HDAC8: variants seen among roughly 807,000 people sequenced by gnomAD.
HDAC8 encodes histone deacetylase 8.
A neutral mutation model predicts 32.2 loss-of-function variants in HDAC8; 1 was observed. The observed-to-expected ratio is 0.03, with a 90% CI of 0.01 to 0.15. HDAC8 has a LOEUF of 0.15. HDAC8 is among the 10% of genes least tolerant of loss of function. The pLI, the probability that HDAC8 is intolerant of heterozygous loss-of-function variation, is 1.00. For missense variants in HDAC8, 117 were observed against 300.0 expected (o/e 0.39, Z 4.51); for synonymous variants, 108 against 113.9 (o/e 0.95, Z 0.33).
At chrX:72,481,617 T>C (rs1235506376) in intron 7 of HDAC8, among the ~76,000 whole-genome samples, 2 of 109,597 alleles carry the variant, frequency 1.8e-5, no homozygotes, top group Non-Finnish European at 3.8e-5. Context: ...TTTTTTTTTG[T>C]TGTTGAGACA....
chrX:72,426,482 T>C (rs2046642502), intron 9 of HDAC8, among the ~76,000 whole-genome samples: 1 of 112,198 alleles, frequency 8.9e-6, no homozygotes, highest in African/African-American at 3.2e-5. Flanking sequence ...TGTGTAAAAT[T>C]CTTCCAATGA....
intron 9 of HDAC8, among the ~76,000 whole-genome samples, chrX:72,458,321 C>A (rs1555990413): frequency 8.9e-6 from 1 of 112,856 alleles, no homozygotes; most frequent in African/African-American, 3.2e-5. Context: ...TATGGCATCA[C>A]TGGCTTTATG....
chrX:72,387,452 G>A lies in HDAC8; in HGVS notation c.1006-35614C>T, dbSNP rs528759228. 7.1e-4 allele frequency among the ~76,000 whole-genome samples: 79 copies of A among 111,721 alleles called. No homozygotes were observed. In the South Asian group the frequency reaches 0.028, roughly 40 times the overall value. On this transcript the variant is annotated intron_variant, in intron 9 of 10. Coordinates refer to ENST00000373573, the MANE Select transcript of HDAC8 (RefSeq NM_018486.3). ...TAGAGTAATTCCCTCACTCCCTGCCGTCATCATCAAAGCAGCTCCCAGGCT... is the reference window on the plus strand; with the variant it reads ...TAGAGTAATTCCCTCACTCCCTGCCATCATCATCAAAGCAGCTCCCAGGCT...
chrX:72,552,568 T>G (rs1181944923), intron 4 of HDAC8, among the ~76,000 whole-genome samples: 1 of 108,239 alleles, frequency 9.2e-6, no homozygotes, highest in Non-Finnish European at 1.9e-5. Flanking sequence ...GAGCTGAGAT[T>G]GCACCATTAC....
chrX:72,548,382 C>A (rs982905335), intron 4 of HDAC8, among the ~76,000 whole-genome samples: 1 of 111,801 alleles, frequency 8.9e-6, no homozygotes, highest in South Asian at 3.7e-4. Context: ...TCTTCTTCTG[C>A]CATTATCTAC....
At chrX:72,551,008 A>C (rs2051050227) in intron 4 of HDAC8, among the ~76,000 whole-genome samples, 1 of 109,937 alleles carries the variant, frequency 9.1e-6, no homozygotes, top group Non-Finnish European at 1.9e-5. Flanking sequence ...TCAGTTAGCA[A>C]TTCAATGCAA....
intron 4 of HDAC8, among the ~76,000 whole-genome samples, chrX:72,503,587 A>C (rs1424281624): frequency 8.9e-6 from 1 of 111,758 alleles, no homozygotes; most frequent in Admixed American, 9.6e-5. Context: ...TTTGTAAATG[A>C]TATCTTATAC....
chrX:72,518,546 G>A (rs782364540), intron 4 of HDAC8, among the ~76,000 whole-genome samples: 5 of 111,286 alleles, frequency 4.5e-5, no homozygotes, highest in South Asian at 7.6e-4. Context: ...TTGTATTAGC[G>A]TGATATGTTT....
intron 9 of HDAC8, among the ~76,000 whole-genome samples, chrX:72,386,440 G>C (rs148452544): frequency 0.019 from 2,145 of 111,019 alleles, 49 homozygotes; most frequent in African/African-American, 0.065. Flanking sequence ...TTCAACTTAT[G>C]TATGATTTTT....
chrX:72,442,302 A>T (rs782405143), intron 9 of HDAC8, among the ~76,000 whole-genome samples: 1,175 of 111,616 alleles, frequency 0.011, 21 homozygotes, highest in African/African-American at 0.036. Context: ...CGGGTTACCC[A>T]CAAAGGGAAG....
intron 2 of HDAC8, among the ~76,000 whole-genome samples, chrX:72,570,426 A>G (rs924432974): frequency 9.0e-6 from 1 of 111,253 alleles, no homozygotes; most frequent in Non-Finnish European, 1.9e-5. Flanking sequence ...TATAGTTACT[A>G]TGTTAACCAA....
chrX:72,552,433 A>C (rs1556075110), intron 4 of HDAC8, among the ~76,000 whole-genome samples: 1 of 111,769 alleles, frequency 8.9e-6, no homozygotes, highest in Non-Finnish European at 1.9e-5. Context: ...CAACATGGCA[A>C]AACCCCATCT....
Position 72,350,623 on chromosome X carries a change from C to T in HDAC8, c.1111+1110G>A, listed in dbSNP as rs185140859. ...CTTAACTCTGGCAAATAATTAGGAT[C>T]TAAAAAATACACATATGTATATGTA... On this transcript the variant is annotated intron_variant, in intron 10 of 10. Transcript: ENST00000373573. Among the ~76,000 whole-genome samples the T allele has an allele frequency of 2.4e-3, 275 of 112,288 alleles. 1 individual carries two copies. The highest frequency in any genetic ancestry group is 8.7e-3 in the African/African-American group (269 of 30,877).
intron 9 of HDAC8, among the ~76,000 whole-genome samples, chrX:72,359,020 G>T (rs4825948): frequency 9.1e-6 from 1 of 109,421 alleles, no homozygotes; most frequent in African/African-American, 3.3e-5. Context: ...CACCAGCCCC[G>T]TGGCCCCAGG....
intron 9 of HDAC8, among the ~76,000 whole-genome samples, chrX:72,416,565 C>T (rs1439679886): frequency 9.6e-6 from 1 of 103,796 alleles, no homozygotes; most frequent in Non-Finnish European, 2.0e-5. Context: ...TTATTATAAC[C>T]TTCCTTCTAC....
At chrX:72,449,900 T>C (rs1555986761) in intron 9 of HDAC8, among the ~76,000 whole-genome samples, 1 of 112,211 alleles carries the variant, frequency 8.9e-6, no homozygotes, top group Non-Finnish European at 1.9e-5. Context: ...TCTTACAATA[T>C]GATATAGCAT....
intron 9 of HDAC8, among the ~76,000 whole-genome samples, chrX:72,355,043 C>G (rs1555950226): frequency 4.5e-5 from 5 of 112,081 alleles, no homozygotes; most frequent in Non-Finnish European, 5.6e-5. Context: ...TCCTGCCAGA[C>G]CAAGCCCAGC....
At chrX:72,332,601 CTAAT>C (rs1276489127) in intron 10 of HDAC8, among the ~76,000 whole-genome samples, 5 of 95,744 alleles carry the variant, frequency 5.2e-5, no homozygotes, top group Non-Finnish European at 9.7e-5. Context: ...TGCCTACTTC[CTAAT>C]TGTTTTTTTT....
chrX:72,409,256 G>C (rs1357674913), intron 9 of HDAC8, among the ~76,000 whole-genome samples: 2 of 111,835 alleles, frequency 1.8e-5, no homozygotes, highest in Non-Finnish European at 3.8e-5. Context: ...TTACTTTATA[G>C]ATGTCTTCTT....
Sources: allele counts gnomAD v4.1 joint callset (sites outside exome capture counted in the v4.1 genomes callset), GRCh38; gene constraint gnomAD v4.1.1; transcripts MANE v1.5; gene names NCBI Gene and HGNC (gene_info 2026-07-23, HGNC 2026-07-21).